Variants in SPATA17 observed in about 807,000 individuals in gnomAD.
The protein encoded by SPATA17 is spermatogenesis-associated protein 17.
In SPATA17, 53 loss-of-function variants were observed where a neutral mutation model predicts 62.2. That is an observed-to-expected ratio of 0.85 (90% confidence interval 0.68 to 1.07). The LOEUF (loss-of-function observed/expected upper bound fraction) is 1.07, where lower values mean the gene tolerates loss of function less well. Ranked by LOEUF, SPATA17 falls within the 50% of genes least tolerant of loss-of-function variation. SPATA17 has a pLI of 0.00. For synonymous variants in SPATA17, 146 were observed against 146.8 expected (o/e 0.99, Z 0.04); for missense variants, 466 against 425.5 (o/e 1.10, Z -0.84).
chr1:217,705,274 G>A (rs1237604053), intron 5 of SPATA17, among the ~76,000 whole-genome samples: 1 of 145,684 alleles, frequency 6.9e-6, no homozygotes, highest in East Asian at 1.9e-4. Flanking sequence ...TTGTTGATTT[G>A]TTTAAGTTCC....
intron 5 of SPATA17, among the ~76,000 whole-genome samples, chr1:217,741,153 AAAAGT>A (rs2102947632): frequency 6.6e-6 from 1 of 152,352 alleles, no homozygotes; most frequent in South Asian, 2.1e-4. Flanking sequence ...ACTTTTTTAA[AAAAGT>A]ATAGTACAAT....
At chr1:217,654,974 T>C (rs1670407561) in intron 3 of SPATA17, among the ~76,000 whole-genome samples, 1 of 152,190 alleles carries the variant, frequency 6.6e-6, no homozygotes, top group Admixed American at 6.5e-5. Context: ...CCTCCCAAAG[T>C]GCTGGGATTA....
At chr1:217,764,439 T>G (rs763960923) in intron 6 of SPATA17, among the ~76,000 whole-genome samples, 3 of 152,166 alleles carry the variant, frequency 2.0e-5, no homozygotes, top group African/African-American at 7.2e-5. Flanking sequence ...GTGCTAAATA[T>G]TATTTCATTG....
intron 4 of SPATA17, among the ~76,000 whole-genome samples, chr1:217,675,488 C>T (rs1006703866): frequency 6.6e-5 from 10 of 152,054 alleles, no homozygotes; most frequent in African/African-American, 1.9e-4. Flanking sequence ...TAGTATCCTA[C>T]GAAGAGTTCA....
intron 5 of SPATA17, among the ~76,000 whole-genome samples, chr1:217,696,696 C>A (rs11117910): frequency 0.19 from 28,697 of 151,874 alleles, 3,030 homozygotes; most frequent in African/African-American, 0.28. Flanking sequence ...ATTTTTTTCT[C>A]GATGTATTTA....
chr1:217,749,983 C>CTATATATATA (rs1387385689), intron 6 of SPATA17, among the ~76,000 whole-genome samples: 63 of 24,056 alleles, frequency 2.6e-3, no homozygotes, highest in African/African-American at 5.2e-3. Context: ...CTCTCTCTCT[C>CTATATATATA]TCTATATATA....
intron 5 of SPATA17, 44 bp from the exon 6 acceptor site, chr1:217,741,931 T>C (rs771456072): frequency 2.5e-6 from 4 of 1,609,166 alleles, no homozygotes. Flanking sequence ...AATTAAAATG[T>C]TAACACATAG....
chr1:217,693,470 G>GT (rs1182133233), intron 5 of SPATA17, among the ~76,000 whole-genome samples: 7 of 139,008 alleles, frequency 5.0e-5, no homozygotes, highest in Admixed American at 1.5e-4. Flanking sequence ...TTTTTGAAGG[G>GT]TTTTTTGTGT....
intron 5 of SPATA17, among the ~76,000 whole-genome samples, chr1:217,726,849 C>T (rs189134659): frequency 1.4e-3 from 209 of 152,088 alleles, no homozygotes; most frequent in Non-Finnish European, 2.6e-3. Context: ...TATTATTATG[C>T]TTTCCTTAAA....
At chr1:217,743,908 C>T (rs1289486199) in intron 6 of SPATA17, among the ~76,000 whole-genome samples, 2 of 151,906 alleles carry the variant, frequency 1.3e-5, no homozygotes, top group Non-Finnish European at 2.9e-5. Flanking sequence ...CATGCCTGGC[C>T]TAAAATAGTG....
chr1:217,647,285 C>A (rs886169911), intron 1 of SPATA17, among the ~76,000 whole-genome samples: 8 of 152,218 alleles, frequency 5.3e-5, no homozygotes, highest in African/African-American at 1.9e-4. Context: ...GCAACTATGT[C>A]ATCCTAAAGT....
At chr1:217,828,251 T>C (rs1488921129) in intron 9 of SPATA17, among the ~76,000 whole-genome samples, 1 of 151,790 alleles carries the variant, frequency 6.6e-6, no homozygotes, top group Non-Finnish European at 1.5e-5. Flanking sequence ...CAGAACAGAA[T>C]AGAGAACCCA....
At chr1:217,684,067 TATC>T (rs1232629481) in intron 5 of SPATA17, among the ~76,000 whole-genome samples, 4 of 152,104 alleles carry the variant, frequency 2.6e-5, no homozygotes, top group African/African-American at 9.7e-5. Flanking sequence ...TAGAATAAAA[TATC>T]ATGAAACATA....
At chr1:217,742,706 A>T (rs1672649852) in intron 6 of SPATA17, among the ~76,000 whole-genome samples, 1 of 152,210 alleles carries the variant, frequency 6.6e-6, no homozygotes. Flanking sequence ...AATAGTCTCA[A>T]AAAGAAATAC....
chr1:217,720,612 G>A lies in SPATA17; in HGVS notation c.396-21363G>A, dbSNP rs867360138. ...ATTTGAGTCTTACCTGGGCAATATCGTAAGGCCTTGTCTCTAAATAAATAA... is the reference window on the plus strand; with the variant it reads ...ATTTGAGTCTTACCTGGGCAATATCATAAGGCCTTGTCTCTAAATAAATAA... On this transcript the variant is annotated intron_variant, in intron 5 of 10. Coordinates refer to ENST00000366933, the MANE Select transcript of SPATA17 (RefSeq NM_138796.4). 4.6e-5 allele frequency among the ~76,000 whole-genome samples: 7 copies of A among 152,098 alleles called. No individual in the cohort carries two copies. In the South Asian group the frequency reaches 1.2e-3, roughly 27 times the overall value.
intron 8 of SPATA17, among the ~76,000 whole-genome samples, chr1:217,797,801 G>A (rs954472566): frequency 1.8e-4 from 27 of 152,008 alleles, no homozygotes; most frequent in South Asian, 8.3e-4. Context: ...CCCTTAATAC[G>A]TCTGGAGTGG....
rs774747213 is a variant in SPATA17, at chr1:217,631,443, A to G, written c.65A>G (p.Asn22Ser). The G allele has an allele frequency of 2.5e-6, 4 of 1,614,182 alleles. No homozygotes were observed. In the East Asian group the frequency reaches 6.7e-5, roughly 27 times the overall value. Residue 22 changes from asparagine to serine, a missense_variant, in exon 1 of 11, where the codon AAC becomes AGC. Asn to Ser is a conservative substitution (Grantham distance 46). Coordinates refer to ENST00000366933, the MANE Select transcript of SPATA17 (RefSeq NM_138796.4). ...GTAGGAAATCAGTACTACTTTAGGA[A>G]CAGGTAAGTCAGGAAGAGAAGGATC... is the stretch of plus-strand genomic sequence containing the variant. ...STVGNQYYFR[N>S]SVVDPFRKKE...
At chr1:217,642,767 T>C (rs912238309) in intron 1 of SPATA17, among the ~76,000 whole-genome samples, 18 of 152,178 alleles carry the variant, frequency 1.2e-4, no homozygotes, top group African/African-American at 3.6e-4. Flanking sequence ...TCCACCATGA[T>C]TGTAAGTTTC....
chr1:217,717,582 C>T (rs1009539472), intron 5 of SPATA17, among the ~76,000 whole-genome samples: 29 of 152,136 alleles, frequency 1.9e-4, no homozygotes, highest in African/African-American at 6.5e-4. Flanking sequence ...CTGCCCTAGC[C>T]TGGGTGACAG....
Sources: allele counts gnomAD v4.1 joint callset (sites outside exome capture counted in the v4.1 genomes callset), GRCh38; gene constraint gnomAD v4.1.1; transcripts MANE v1.5; gene names NCBI Gene and HGNC (gene_info 2026-07-23, HGNC 2026-07-21).